The following UBTD2 variants were observed in gnomAD, a reference collection of about 807,000 sequenced individuals.
UBTD2 encodes the protein ubiquitin domain containing 2, also known as ubiquitin domain-containing protein 2.
Under a neutral mutation model 19.8 loss-of-function variants are expected in UBTD2, and 9 were observed. The observed-to-expected ratio is 0.46, with a 90% confidence interval of 0.27 to 0.79. The LOEUF (loss-of-function observed/expected upper bound fraction) is 0.79, where lower values mean the gene tolerates loss of function less well. UBTD2 is among the 30% of genes least tolerant of loss of function. The pLI, the probability that UBTD2 is intolerant of heterozygous loss-of-function variation, is 0.14. For synonymous variants in UBTD2, 98 were observed against 103.9 expected, an observed-to-expected ratio of 0.94 and a Z score of 0.35; for missense variants, 250 against 300.4, an observed-to-expected ratio of 0.83 and a Z score of 1.24.
chr5:172,248,275 C>T (rs1423085510), intron 1 of UBTD2, among the ~76,000 whole-genome samples: 1 of 152,048 alleles, frequency 6.6e-6, no homozygotes, highest in Non-Finnish European at 1.5e-5. Flanking sequence ...ACAGACAAAA[C>T]CCAAAGGTAA....
intron 1 of UBTD2, among the ~76,000 whole-genome samples, chr5:172,266,162 C>T (rs761492351): frequency 6.6e-6 from 1 of 151,924 alleles, no homozygotes; most frequent in Non-Finnish European, 1.5e-5. Context: ...AACTCCTGAC[C>T]TCAGCTGATC....
chr5:172,232,316 TAAAA>T lies in UBTD2; in HGVS notation c.307+1802_307+1805del, dbSNP rs10558751. Among the ~76,000 whole-genome samples the T allele has an allele frequency of 1.6e-3, 217 of 132,034 alleles. 2 individuals are homozygous for T. Among genetic ancestry groups the T allele is most frequent in the Middle Eastern group, 0.013 (3 of 240 alleles). 86.6% of individuals were successfully genotyped at this position (132,034 alleles called of 152,430 possible). ...ACCAAAAGAAAAAGACTCACTGTCA[TAAAA>T]AAAAAAAAAAAAAGTCACACTGAAA... is the stretch of plus-strand genomic sequence containing the variant. On this transcript the variant is annotated intron_variant, in intron 2 of 2. Coordinates refer to ENST00000393792, the MANE Select transcript of UBTD2 (RefSeq NM_152277.3).
At chr5:172,244,199 AC>A (rs1772190716) in intron 1 of UBTD2, among the ~76,000 whole-genome samples, 2 of 152,116 alleles carry the variant, frequency 1.3e-5, no homozygotes, top group Non-Finnish European at 2.9e-5. Flanking sequence ...CTTATTTGGA[AC>A]AAAAACCTAT....
intron 2 of UBTD2, among the ~76,000 whole-genome samples, chr5:172,232,501 T>C (rs1771922444): frequency 6.6e-6 from 1 of 152,018 alleles, no homozygotes; most frequent in Admixed American, 6.6e-5. Flanking sequence ...AAAAGGAATG[T>C]TTCTTGGAAG....
At chr5:172,281,100 A>G (rs1214664485) in intron 1 of UBTD2, among the ~76,000 whole-genome samples, 1 of 152,090 alleles carries the variant, frequency 6.6e-6, no homozygotes, top group African/African-American at 2.4e-5. Context: ...GAGTCTCACT[A>G]TGTTGCCTGG....
chr5:172,233,255 A>T (rs1771941873), intron 2 of UBTD2, among the ~76,000 whole-genome samples: 1 of 152,250 alleles, frequency 6.6e-6, no homozygotes, highest in African/African-American at 2.4e-5. Context: ...TAGGGATTAA[A>T]ACAATGAAGG....
intron 1 of UBTD2, among the ~76,000 whole-genome samples, chr5:172,246,576 TG>T (rs1754888110): frequency 6.7e-6 from 1 of 148,964 alleles, no homozygotes; most frequent in African/African-American, 2.5e-5. Context: ...TCCCAAAAGC[TG>T]GGACTACAGG....
intron 2 of UBTD2, among the ~76,000 whole-genome samples, chr5:172,216,583 T>C (rs1370822480): frequency 1.1e-5 from 1 of 88,222 alleles, no homozygotes; most frequent in East Asian, 3.8e-4. Flanking sequence ...GGAAACCCCA[T>C]CTCTACCCAA....
chr5:172,264,047 G>A (rs1755324974), intron 1 of UBTD2, among the ~76,000 whole-genome samples: 1 of 152,022 alleles, frequency 6.6e-6, no homozygotes, highest in African/African-American at 2.4e-5. Flanking sequence ...GAATAGTTCT[G>A]ACCCCTGAAA....
chr5:172,246,574 G>C (rs1490742543), intron 1 of UBTD2, among the ~76,000 whole-genome samples: 1 of 147,742 alleles, frequency 6.8e-6, no homozygotes, highest in Non-Finnish European at 1.5e-5. Context: ...CCTCCCAAAA[G>C]CTGGGACTAC....
chr5:172,242,449 T>C (rs2113033883), intron 1 of UBTD2: 1 of 985,402 alleles, frequency 1.0e-6, no homozygotes, highest in South Asian at 4.7e-5. Flanking sequence ...ATTTCTCAGC[T>C]GGGGACAGTT....
In UBTD2 at chr5:172,234,134, T is replaced by G; in HGVS notation, c.295A>C (p.Thr99Pro). The change falls in exon 2 of 3, where the codon ACA (threonine) becomes CCA (proline). Residue 99 changes from threonine to proline, a missense_variant. Thr to Pro is a conservative substitution (Grantham distance 38). Coordinates refer to ENST00000393792, the MANE Select transcript of UBTD2 (RefSeq NM_152277.3). ...ACACCAAACCTACCATGTGGTAATG[T>G]TATGTTTGCACCATCAATGATTGCT... ...AQAIIDGANI[T>P]LPHGALTECY... 6.2e-7 allele frequency: 1 copy of G among 1,614,124 alleles called. No homozygotes were observed. Among genetic ancestry groups the G allele is most frequent in the Non-Finnish European group, 8.5e-7 (1 of 1,179,970 alleles).
At chr5:172,269,452 C>T (rs1755441408) in intron 1 of UBTD2, among the ~76,000 whole-genome samples, 1 of 148,948 alleles carries the variant, frequency 6.7e-6, no homozygotes, top group African/African-American at 2.5e-5. Flanking sequence ...GACTGCACCA[C>T]TGCACTCCGG....
intron 1 of UBTD2, among the ~76,000 whole-genome samples, chr5:172,245,447 C>T (rs1350521081): frequency 6.6e-6 from 1 of 152,128 alleles, no homozygotes; most frequent in African/African-American, 2.4e-5. Flanking sequence ...ACAGCCATGG[C>T]TCTCTGAGAA....
At chr5:172,222,986 GAA>G (rs1312299596) in intron 2 of UBTD2, among the ~76,000 whole-genome samples, 2 of 152,132 alleles carry the variant, frequency 1.3e-5, no homozygotes, top group African/African-American at 4.8e-5. Context: ...CCTGAAGAAA[GAA>G]AGATTGATTG....
intron 2 of UBTD2, among the ~76,000 whole-genome samples, chr5:172,224,346 C>A (rs1305511178): frequency 1.4e-5 from 2 of 143,290 alleles, no homozygotes; most frequent in African/African-American, 2.6e-5. Context: ...GTCGCCCAGG[C>A]TGGAGTGAGG....
intron 1 of UBTD2, among the ~76,000 whole-genome samples, chr5:172,246,696 G>A (rs1392357272): frequency 2.7e-5 from 4 of 146,320 alleles, no homozygotes; most frequent in African/African-American, 7.6e-5. Flanking sequence ...TGCCCGCCTT[G>A]GCCTCCTAAA....
intron 1 of UBTD2, among the ~76,000 whole-genome samples, chr5:172,247,049 C>T (rs538817314): frequency 2.8e-4 from 42 of 151,958 alleles, no homozygotes; most frequent in Middle Eastern, 3.4e-3. Flanking sequence ...CCACAGCATC[C>T]GGCCCAAGAT....
At chr5:172,263,851 CTGTGTGTG>C (rs111856574) in intron 1 of UBTD2, among the ~76,000 whole-genome samples, 1 of 142,222 alleles carries the variant, frequency 7.0e-6, no homozygotes, top group Non-Finnish European at 1.5e-5. Context: ...GCACGTGCCT[CTGTGTGTG>C]TGTGTGTGTG....
Sources: gnomAD v4.1 joint callset for allele counts (sites outside exome capture counted in the v4.1 genomes callset) on GRCh38, gnomAD v4.1.1 for gene constraint, MANE v1.5 for transcripts, NCBI Gene and HGNC (gene_info 2026-07-23, HGNC 2026-07-21) for gene names.